Variants in SLC22A16 observed in about 807,000 individuals in gnomAD.
SLC22A16 encodes the protein WUGSC:RG331P03.1.
A neutral mutation model predicts 52.9 loss-of-function variants in SLC22A16; 53 were observed. The ratio of observed to expected loss-of-function variants is 1.00; its 90% confidence interval spans 0.80 to 1.26. SLC22A16 has a LOEUF of 1.26. Among genes scored for constraint, SLC22A16 ranks in the 50% most tolerant of loss-of-function variants. SLC22A16 has a pLI of 0.00. For synonymous variants in SLC22A16, 291 were observed against 268.8 expected, an observed-to-expected ratio of 1.08 and a Z score of -0.81; for missense variants, 726 against 704.0, an observed-to-expected ratio of 1.03 and a Z score of -0.35.
intron 1 of SLC22A16, among the ~76,000 whole-genome samples, chr6:110,460,941 C>T (rs542951766): frequency 1.4e-4 from 22 of 152,240 alleles, no homozygotes; most frequent in Non-Finnish European, 2.5e-4. Context: ...CTGAAAGGGG[C>T]GGTAGTAGTA....
chr6:110,468,561 G>A (rs1385012792), intron 1 of SLC22A16, among the ~76,000 whole-genome samples: 1 of 151,088 alleles, frequency 6.6e-6, no homozygotes, highest in Non-Finnish European at 1.5e-5. Context: ...CAGGAGAATT[G>A]CTTGAATCTG....
At chr6:110,435,750 C>A in intron 6 of SLC22A16, 102 bp downstream of exon 6, 1 of 796,802 alleles carries the variant, frequency 1.3e-6, no homozygotes, top group Non-Finnish European at 2.0e-6. Context: ...ATCCAGGTAA[C>A]TTCTATAAAA....
At chr6:110,452,859 T>G (rs1308719854) in intron 2 of SLC22A16, among the ~76,000 whole-genome samples, 4 of 152,208 alleles carry the variant, frequency 2.6e-5, no homozygotes, top group African/African-American at 9.6e-5. Flanking sequence ...ATTGTATGAA[T>G]TTTGTCCTCT....
chr6:110,447,380 A>G (rs1287849912), intron 2 of SLC22A16, among the ~76,000 whole-genome samples: 1 of 152,122 alleles, frequency 6.6e-6, no homozygotes, highest in Non-Finnish European at 1.5e-5. Context: ...AAGCCCCTCT[A>G]AAAACAGAGG....
intron 7 of SLC22A16, among the ~76,000 whole-genome samples, chr6:110,426,569 G>C (rs34103065): frequency 0.072 from 10,943 of 152,132 alleles, 422 homozygotes; most frequent in Middle Eastern, 0.14. Flanking sequence ...CCTCCTCAGA[G>C]ATCTCCCTCC....
Position 110,424,829 on chromosome 6 carries a change from A to G in SLC22A16, c.*44T>C. 1 of 1,609,326 alleles carries G rather than the reference A, an allele frequency of 6.2e-7. No homozygotes were observed. On this transcript the variant is annotated 3_prime_UTR_variant, in exon 8 of 8. Transcript: ENST00000368919. ...AAGATTCCTCTAATACAAAGGCATT[A>G]GGGTAAATAATATTTCAGGTGCTAG...
At chr6:110,446,756 T>C in intron 3 of SLC22A16, 117 bp downstream of exon 3, 3 of 843,222 alleles carry the variant, frequency 3.6e-6, no homozygotes, top group Non-Finnish European at 5.7e-6. Context: ...TGCAGTGGAG[T>C]GGACAAAGAT....
chr6:110,454,765 T>C (rs1182159469), intron 2 of SLC22A16, among the ~76,000 whole-genome samples: 1 of 57,830 alleles, frequency 1.7e-5, no homozygotes, highest in East Asian at 7.1e-4. Context: ...TATACATTTA[T>C]ATATATAAAT....
chr6:110,456,786 G>A lies in SLC22A16; in HGVS notation c.285C>T (p.Ile95=), dbSNP rs931527344. 1.2e-6 allele frequency: 2 copies of A among 1,614,156 alleles called. No homozygotes were observed. The highest frequency in any genetic ancestry group is 1.7e-6 in the Non-Finnish European group (2 of 1,180,038). Reference sequence around the variant, plus strand: ...TCCTGCTACACCTTGAGAGCTCCCAGATCTCACCATTCTGCAACTGCACCG... The same window carrying A: ...TCCTGCTACACCTTGAGAGCTCCCAAATCTCACCATTCTGCAACTGCACCG... The part of the protein sequence containing the change: ...YVTVQLQNGE[I]WELSRCSRNK... Residue 95 remains isoleucine (I), a synonymous_variant, in exon 2 of 8, where the codon ATC becomes ATT. Transcript: ENST00000368919.
At chr6:110,433,206 G>A (rs78849699) in intron 6 of SLC22A16, among the ~76,000 whole-genome samples, 3,412 of 152,240 alleles carry the variant, frequency 0.022, 116 homozygotes, top group African/African-American at 0.076. Context: ...TTATTCCTCT[G>A]CTATTCTATA....
chr6:110,438,516 T>A (rs1774827012), intron 5 of SLC22A16, among the ~76,000 whole-genome samples: 2 of 151,862 alleles, frequency 1.3e-5, no homozygotes, highest in South Asian at 4.2e-4. Context: ...TTTTTTACAT[T>A]TTTCTCTTCA....
At position 110,442,387 on chromosome 6, in the gene SLC22A16, G is replaced by T. The variant is rs1183870250; in HGVS notation, c.1040C>A (p.Ser347Ter). 3 of 1,614,214 alleles carry T rather than the reference G, an allele frequency of 1.9e-6. No homozygotes were observed. The Admixed American group carries it at 5.0e-5, about 27-fold the overall frequency. The part of the protein sequence containing the change: ...SPTEVQKHNL[S>*]YLFYNWSITK... ...AATGCTCCAGTTATAAAACAGATAT[G>T]ATAGGTTGTGCTTCTGAACTTCAGT... The change falls in exon 4 of 8, where the codon TCA becomes TAA. Residue 347 changes from serine to a stop codon, truncating the protein, a stop_gained. Coordinates refer to ENST00000368919, the MANE Select transcript of SLC22A16 (RefSeq NM_033125.4). LOFTEE classifies it high-confidence loss of function.
At chr6:110,467,709 G>C (rs929635885) in intron 1 of SLC22A16, among the ~76,000 whole-genome samples, 1 of 152,246 alleles carries the variant, frequency 6.6e-6, no homozygotes, top group Non-Finnish European at 1.5e-5. Flanking sequence ...TGTGTGCACA[G>C]ATGTGCATGT....
intron 1 of SLC22A16, among the ~76,000 whole-genome samples, chr6:110,468,746 A>C (rs1776160939): frequency 6.6e-6 from 1 of 152,186 alleles, no homozygotes; most frequent in African/African-American, 2.4e-5. Flanking sequence ...GGGCAGGAAC[A>C]GTAGGCTGAG....
At chr6:110,451,169 C>T (rs547327391) in intron 2 of SLC22A16, among the ~76,000 whole-genome samples, 2 of 152,262 alleles carry the variant, frequency 1.3e-5, no homozygotes, top group Non-Finnish European at 2.9e-5. Context: ...GTCCACATAT[C>T]CTACTGTAAG....
intron 1 of SLC22A16, among the ~76,000 whole-genome samples, chr6:110,463,093 C>T (rs1775943719): frequency 6.6e-6 from 1 of 152,030 alleles, no homozygotes; most frequent in African/African-American, 2.4e-5. Context: ...TTAATCACCA[C>T]TTGACCAGTT....
intron 1 of SLC22A16, among the ~76,000 whole-genome samples, chr6:110,470,527 C>CCAG: frequency 6.6e-6 from 1 of 152,264 alleles, no homozygotes. Flanking sequence ...ATTCAGGCGT[C>CCAG]CAGTCTTCAG....
chr6:110,453,615 G>A, intron 2 of SLC22A16: 1 of 456,138 alleles, frequency 2.2e-6, no homozygotes. Context: ...ACACTTCACA[G>A]ATAGTGGGTT....
chr6:110,431,132 C>T (rs747208831), intron 7 of SLC22A16, 39 bp downstream of exon 7: 2 of 1,557,560 alleles, frequency 1.3e-6, no homozygotes, highest in Non-Finnish European at 1.8e-6. Context: ...GAAACTGCCT[C>T]CGTGCCCCCT....
Sources: gnomAD v4.1 joint callset for allele counts (sites outside exome capture counted in the v4.1 genomes callset) on GRCh38, gnomAD v4.1.1 for gene constraint, MANE v1.5 for transcripts, NCBI Gene and HGNC (gene_info 2026-07-23, HGNC 2026-07-21) for gene names.